The following DGKZ variants were observed in gnomAD, a reference collection of about 807,000 sequenced individuals.
The protein encoded by DGKZ is DAG kinase zeta.
DGKZ carries 45 observed loss-of-function variants against 142.5 expected under a neutral mutation model. That is an observed-to-expected ratio of 0.32 (90% CI 0.25 to 0.40). The LOEUF (loss-of-function observed/expected upper bound fraction) is 0.40, where lower values mean the gene tolerates loss of function less well. Ranked by LOEUF, DGKZ falls within the 10% of genes least tolerant of loss-of-function variation. The probability of loss-of-function intolerance (pLI) is 1.00; values close to 1 mark genes in which losing one functional copy is unlikely to be tolerated. For synonymous variants in DGKZ, 442 were observed against 527.0 expected, an observed-to-expected ratio of 0.84 and a Z score of 2.21; for missense variants, 755 against 1,306.5, an observed-to-expected ratio of 0.58 and a Z score of 6.51.
chr11:46,363,172 C>G (rs1481808676), intron 1 of DGKZ, among the ~76,000 whole-genome samples: 3 of 152,186 alleles, frequency 2.0e-5, no homozygotes, highest in South Asian at 4.1e-4. Flanking sequence ...AGGGCGGGCT[C>G]CAACAAGGCC....
rs557695514 is a variant in DGKZ, at chr11:46,336,436, G to T, written c.212+2949G>T. On this transcript the variant is annotated intron_variant, in intron 1 of 30. Transcript: ENST00000343674. ...CCTGGTTTCCAATAAGTCATAAAAG[G>T]GCAGGGCAGGTCTAGGCATGGTGAC... is the stretch of plus-strand genomic sequence containing the variant. Among the ~76,000 whole-genome samples, 12 of 152,294 alleles carry T rather than the reference G, an allele frequency of 7.9e-5. No individual in the cohort carries two copies. In the East Asian group the frequency reaches 1.4e-3, roughly 17 times the overall value.
chr11:46,343,409 C>CT (rs1940373534), upstream of DGKZ, among the ~76,000 whole-genome samples: 2 of 152,168 alleles, frequency 1.3e-5, no homozygotes, highest in African/African-American at 2.4e-5. Flanking sequence ...GGGATAGCAT[C>CT]TTGAAGGGTT....
At chr11:46,369,974 C>A (rs1943766273) in exon 6 of DGKZ, 2 of 1,613,754 alleles carry the variant, frequency 1.2e-6, no homozygotes, top group Admixed American at 1.7e-5. Context: ...GGTACACAGA[C>A]GACGCCAGGA....
At chr11:46,335,588 C>T (rs1285542664) in intron 1 of DGKZ, among the ~76,000 whole-genome samples, 1 of 152,194 alleles carries the variant, frequency 6.6e-6, no homozygotes, top group Non-Finnish European at 1.5e-5. Flanking sequence ...ACCCCTGCCT[C>T]CAGGTTACCT....
At position 46,376,510 on chromosome 11, in the gene DGKZ, C is replaced by T. The variant is rs371683831; in HGVS notation, c.2162-14C>T. The T allele has an allele frequency of 2.5e-5, 40 of 1,613,698 alleles. No individual in the cohort carries two copies. The Middle Eastern group carries it at 6.6e-4, about 27-fold the overall frequency. ...ATGGCACTCCCTGATCCTCAGCTGC[C>T]CTCTCTCCCACAGCCACCACTGCCA... On this transcript the variant is annotated splice_polypyrimidine_tract_variant and intron_variant, in intron 23 of 30. Transcript: ENST00000527911.
Position 46,372,056 on chromosome 11 carries a change from C to T in DGKZ, c.832-19C>T, listed in dbSNP as rs747286686. The T allele has an allele frequency of 1.3e-6, 2 of 1,598,096 alleles. No individual in the cohort carries two copies. ...TCCTGGACGGGAAGGAGCTTACAGC[C>T]TCTCACCTTGTCTCCCAGGAGGGCC... On this transcript the variant is annotated intron_variant, in intron 9 of 30. Coordinates refer to ENST00000527911, the Ensembl canonical transcript of DGKZ. The surrounding 1 kb of genome is among the most constrained non-coding windows in gnomAD (Gnocchi z 5.9).
At chr11:46,359,807 G>A (rs980752824) in intron 1 of DGKZ, among the ~76,000 whole-genome samples, 2 of 148,112 alleles carry the variant, frequency 1.4e-5, no homozygotes, top group South Asian at 2.1e-4. Flanking sequence ...TAGTAGAGAC[G>A]GGGTTTTGCC....
At position 46,378,240 on chromosome 11, in the gene DGKZ, TC is replaced by T; in HGVS notation, c.2374+14del. 6.2e-7 allele frequency: 1 copy of T among 1,603,684 alleles called. No individual in the cohort carries two copies. The highest frequency in any genetic ancestry group is 8.5e-7 in the Non-Finnish European group (1 of 1,175,588). ...CTGCACCCCCTCAAGGTGAGGCCTCTCCCTCTGGGGCCCCTCCTTTCTGCCT... is the reference window on the plus strand; with the variant it reads ...CTGCACCCCCTCAAGGTGAGGCCTCTCCTCTGGGGCCCCTCCTTTCTGCCT... On this transcript the variant is annotated intron_variant, in intron 26 of 30. Coordinates refer to ENST00000527911, the Ensembl canonical transcript of DGKZ.
chr11:46,351,344 G>A (rs1423437069), intron 1 of DGKZ, among the ~76,000 whole-genome samples: 1 of 152,092 alleles, frequency 6.6e-6, no homozygotes, highest in Non-Finnish European at 1.5e-5. Flanking sequence ...GCCCTTCACG[G>A]TGCTCAAAGT....
chr11:46,364,575 C>G (rs1943049559), intron 1 of DGKZ: 1 of 985,330 alleles, frequency 1.0e-6, no homozygotes, highest in South Asian at 4.7e-5. Context: ...AAGAGCTGAG[C>G]TGTGCAGAAC....
chr11:46,363,270 G>A (rs1004954761), intron 1 of DGKZ, among the ~76,000 whole-genome samples: 1 of 152,192 alleles, frequency 6.6e-6, no homozygotes, highest in Non-Finnish European at 1.5e-5. Context: ...AGAGGAACAG[G>A]AAACTCAGGC....
In DGKZ at chr11:46,378,760, C is replaced by G; in HGVS notation, c.2419-231C>G. The G allele has an allele frequency of 9.1e-6, 8 of 874,830 alleles. No individual in the cohort carries two copies. The South Asian group carries it at 1.0e-4, about 11-fold the overall frequency. 54.2% of individuals were successfully genotyped at this position (874,830 alleles called of 1,614,324 possible). The stretch of plus-strand genomic sequence containing the variant: ...AGAAAGGAGCAGGTCAGAGGAAGCA[C>G]TGCTCCAGGGCTTGGTCACCAGTGC... On this transcript the variant is annotated intron_variant, in intron 27 of 30. Coordinates refer to ENST00000527911, the Ensembl canonical transcript of DGKZ.
At position 46,371,400 on chromosome 11, in the gene DGKZ, G is replaced by A. The variant is rs750727533; in HGVS notation, c.642+16G>A. The A allele has an allele frequency of 5.0e-6, 8 of 1,612,990 alleles. No homozygotes were observed. The highest frequency in any genetic ancestry group is 2.7e-5 in the African/African-American group (2 of 75,038). On this transcript the variant is annotated intron_variant, in intron 7 of 30. Coordinates refer to ENST00000527911, the Ensembl canonical transcript of DGKZ. ...CAAGCAGGCAGTGAGTGGTGCCCCC[G>A]CCCCCAGGGCCAGGCCCTGCACTGC... is the stretch of plus-strand genomic sequence containing the variant.
Position 46,374,854 on chromosome 11 carries a change from A to C in DGKZ, c.1598+15A>C, listed in dbSNP as rs770806151. 1.3e-5 allele frequency: 20 copies of C among 1,585,968 alleles called. No individual in the cohort carries two copies. The highest frequency in any genetic ancestry group is 1.5e-5 in the Non-Finnish European group (18 of 1,162,470). The stretch of plus-strand genomic sequence containing the variant: ...AACATCCCCAGGTGAGGAGGGGGCT[A>C]CCGGAGCTGGGGGGAGCCCTGCTGT... On this transcript the variant is annotated intron_variant, in intron 18 of 30. Coordinates refer to ENST00000527911, the Ensembl canonical transcript of DGKZ.
chr11:46,374,095 C>T, intron 14 of DGKZ, 62 bp from the exon 15 acceptor site: 2 of 1,577,224 alleles, frequency 1.3e-6, no homozygotes, highest in Middle Eastern at 3.4e-4. Flanking sequence ...CCACACGAGG[C>T]CCCTGGAGCG....
At chr11:46,378,222 C>T in exon 26 of DGKZ, 1 of 1,608,452 alleles carries the variant, frequency 6.2e-7, no homozygotes, top group Non-Finnish European at 8.5e-7. Context: ...ATGCTGCACC[C>T]CCTCAAGGTG....
At position 46,372,879 on chromosome 11, in the gene DGKZ, G is replaced by A. The variant is rs779650044; in HGVS notation, c.1180G>A (p.Gly394Ser). The A allele has an allele frequency of 6.3e-7, 1 of 1,581,888 alleles. No individual in the cohort carries two copies. The highest frequency in any genetic ancestry group is 1.1e-5 in the South Asian group (1 of 86,976). Residue 394 changes from glycine (G) to serine (S), a missense_variant, in exon 13 of 31, where the codon GGT becomes AGT. This residue lies in a region of DGKZ where 191 missense variants were observed against 472.1 expected (regional missense o/e 0.40). Coordinates refer to ENST00000527911, the Ensembl canonical transcript of DGKZ. This position sits in a 1 kb window ranked among gnomAD's most constrained non-coding sequence, Gnocchi z 5.9. Reference sequence around the variant, plus strand: ...CGACTTGGCCCGAACCCTCAACTGGGGTGGGGTAAGCACCCATAGGAGGGG... The same window carrying A: ...CGACTTGGCCCGAACCCTCAACTGGAGTGGGGTAAGCACCCATAGGAGGGG...
At chr11:46,336,891 T>A (rs1183706513) in intron 1 of DGKZ, among the ~76,000 whole-genome samples, 1 of 152,092 alleles carries the variant, frequency 6.6e-6, no homozygotes, top group Non-Finnish European at 1.5e-5. Flanking sequence ...CGTGGTTGCA[T>A]GCGTCTGTAG....
At chr11:46,348,584 C>T (rs1288987448) in intron 1 of DGKZ, among the ~76,000 whole-genome samples, 1 of 152,168 alleles carries the variant, frequency 6.6e-6, no homozygotes, top group African/African-American at 2.4e-5. Flanking sequence ...TCATCTTGCC[C>T]CCTCCCCCAG....
Sources: gnomAD v4.1 joint callset for allele counts (sites outside exome capture counted in the v4.1 genomes callset) on GRCh38, gnomAD v4.1.1 for gene constraint, gnomAD v4.1.1 regional missense constraint, Gnocchi (gnomAD v3.1) non-coding constraint, MANE v1.5 for transcripts, NCBI Gene and HGNC (gene_info 2026-07-23, HGNC 2026-07-21) for gene names.